Variants in HYDIN observed in about 807,000 individuals in gnomAD.
The protein encoded by HYDIN is HYDIN axonemal central pair apparatus protein.
In HYDIN, 132 loss-of-function variants were observed where a neutral mutation model predicts 403.9. The observed-to-expected ratio is 0.33, with a 90% CI of 0.28 to 0.38. The LOEUF (loss-of-function observed/expected upper bound fraction) is 0.38. HYDIN is among the 10% of genes least tolerant of loss of function. The probability of loss-of-function intolerance (pLI) is 1.00; values close to 1 mark genes in which losing one functional copy is unlikely to be tolerated. For missense variants in HYDIN, 2,827 were observed against 5,009.5 expected (o/e 0.56, Z 13.15); for synonymous variants, 1,202 against 1,891.7 (o/e 0.64, Z 9.46).
intron 1 of HYDIN, among the ~76,000 whole-genome samples, chr16:71,218,768 G>A (rs1159881337): frequency 6.6e-6 from 1 of 152,060 alleles, no homozygotes; most frequent in Non-Finnish European, 1.5e-5. Flanking sequence ...TCCTGTTATT[G>A]CTTTTTATTA....
intron 25 of HYDIN, 29 bp downstream of exon 25, chr16:70,991,289 C>T: frequency 6.2e-7 from 1 of 1,613,508 alleles, no homozygotes; most frequent in South Asian, 1.1e-5. Flanking sequence ...CTTGACCTGC[C>T]TACCCTCCCC....
intron 60 of HYDIN, 124 bp from the exon 61 acceptor site, chr16:70,879,880 C>T: frequency 2.0e-6 from 1 of 493,000 alleles, no homozygotes; most frequent in Non-Finnish European, 3.4e-6. Flanking sequence ...CCACTGCCTG[C>T]AGGGTGAGGG....
chr16:70,833,904 T>C lies in HYDIN; in HGVS notation c.13662A>G (p.Thr4554=). 1 of 1,613,078 alleles carries C rather than the reference T, an allele frequency of 6.2e-7. No homozygotes were observed. Among genetic ancestry groups the C allele is most frequent in the Non-Finnish European group, 8.5e-7 (1 of 1,179,736 alleles). ...TCCCTTACCTTGCACCCACATCGCC[T>C]GTGTTCATCATGAGGATGCGACGTG... is the stretch of plus-strand genomic sequence containing the variant. The part of the protein sequence containing the change: ...QATRRILMMN[T]GDVGARFKWD... The change falls in exon 79 of 86, where the codon ACA becomes ACG. Residue 4554 remains threonine (T), a synonymous_variant. Transcript: ENST00000393567.
chr16:70,979,910 C>A (rs2144014686), intron 29 of HYDIN, among the ~76,000 whole-genome samples: 1 of 151,712 alleles, frequency 6.6e-6, no homozygotes, highest in East Asian at 1.9e-4. Flanking sequence ...GGTGACAGAG[C>A]AAGACTCTGT....
At chr16:71,101,717 T>G (rs1053430284) in intron 10 of HYDIN, among the ~76,000 whole-genome samples, 1 of 152,114 alleles carries the variant, frequency 6.6e-6, no homozygotes, top group Non-Finnish European at 1.5e-5. Context: ...GGTTATGGAG[T>G]AAGGTTATAG....
At chr16:71,219,098 A>T (rs2089049919) in intron 1 of HYDIN, among the ~76,000 whole-genome samples, 1 of 152,184 alleles carries the variant, frequency 6.6e-6, no homozygotes, top group Non-Finnish European at 1.5e-5. Flanking sequence ...CCACTGCTGC[A>T]AATTTGGGTG....
chr16:71,048,249 A>G (rs2081516170), intron 18 of HYDIN, among the ~76,000 whole-genome samples: 2 of 150,090 alleles, frequency 1.3e-5, no homozygotes, highest in African/African-American at 2.4e-5. Context: ...CTGTTGATGG[A>G]CACTTAGGTT....
chr16:70,866,439 G>C (rs1192315982), intron 66 of HYDIN, 110 bp from the exon 67 acceptor site: 60 of 976,012 alleles, frequency 6.1e-5, no homozygotes, highest in South Asian at 1.7e-4. Flanking sequence ...ATAAAATTTA[G>C]GTACACTATG....
At chr16:71,178,197 A>G (rs976538515) in intron 4 of HYDIN, among the ~76,000 whole-genome samples, 50 of 152,246 alleles carry the variant, frequency 3.3e-4, no homozygotes, top group East Asian at 1.9e-4. Context: ...AAGTGGGTGG[A>G]TCACCTGAGT....
chr16:71,051,507 G>A lies in HYDIN; in HGVS notation c.2529+8997C>T, dbSNP rs1369701157. 2.6e-5 allele frequency among the ~76,000 whole-genome samples: 4 copies of A among 151,960 alleles called. No homozygotes were observed. The South Asian group carries it at 6.2e-4, about 24-fold the overall frequency. ...TAAAAATACAAAATATTAGCCGGACGTGGTGGCGGGCGCCTGTAGTCCCAG... is the reference window on the plus strand; with the variant it reads ...TAAAAATACAAAATATTAGCCGGACATGGTGGCGGGCGCCTGTAGTCCCAG... On this transcript the variant is annotated intron_variant, in intron 18 of 85. Transcript: ENST00000393567.
intron 23 of HYDIN, among the ~76,000 whole-genome samples, chr16:71,005,418 C>G (rs1339277226): frequency 6.6e-6 from 1 of 151,984 alleles, no homozygotes; most frequent in African/African-American, 2.4e-5. Context: ...TCTCCTTTTG[C>G]TATACGATCA....
At chr16:71,198,451 C>T (rs1317793013) in intron 1 of HYDIN, among the ~76,000 whole-genome samples, 1 of 152,120 alleles carries the variant, frequency 6.6e-6, no homozygotes, top group East Asian at 1.9e-4. Flanking sequence ...CTGTCCTCCC[C>T]CATCTCTTGC....
At chr16:71,026,855 A>G (rs565407208) in intron 20 of HYDIN, among the ~76,000 whole-genome samples, 4 of 152,082 alleles carry the variant, frequency 2.6e-5, no homozygotes, top group Non-Finnish European at 4.4e-5. Flanking sequence ...TAATGTGGGG[A>G]AAAGTCAGTA....
At chr16:71,173,717 C>T (rs1294573061) in intron 5 of HYDIN, among the ~76,000 whole-genome samples, 1 of 152,084 alleles carries the variant, frequency 6.6e-6, no homozygotes, top group Non-Finnish European at 1.5e-5. Flanking sequence ...TATGTATATA[C>T]TGAAAAGCAC....
At chr16:71,193,509 C>A (rs1441200318) in intron 1 of HYDIN, among the ~76,000 whole-genome samples, 2 of 152,080 alleles carry the variant, frequency 1.3e-5, no homozygotes, top group Non-Finnish European at 2.9e-5. Flanking sequence ...TAGATTTGCA[C>A]CATTGAATTC....
chr16:70,996,043 G>A (rs1228992827), intron 23 of HYDIN, among the ~76,000 whole-genome samples: 3 of 150,324 alleles, frequency 2.0e-5, no homozygotes, highest in African/African-American at 7.3e-5. Flanking sequence ...CTTATAGGAA[G>A]GAGTGACTGA....
rs749501341 is a variant in HYDIN, at chr16:70,981,434, T to A, written c.4467A>T (p.Gly1489=). Residue 1489 remains glycine, a synonymous_variant, in exon 29 of 86, where the codon GGA becomes GGT. Coordinates refer to ENST00000393567, the MANE Select transcript of HYDIN (RefSeq NM_001270974.2). ...GATCGAGGCAGATTTGGGGAAAGAT[T>A]CCCTCTCCGCTCAGAGTGATATTTT... is the stretch of plus-strand genomic sequence containing the variant. ...DPENITLSGE[G]IFPQICLDLP... The A allele has an allele frequency of 1.1e-5, 18 of 1,613,584 alleles. No individual in the cohort carries two copies. In the South Asian group the frequency reaches 2.0e-4, roughly 18 times the overall value.
chr16:71,175,970 A>G (rs1329822623), intron 4 of HYDIN: 3 of 545,172 alleles, frequency 5.5e-6, no homozygotes, highest in Non-Finnish European at 9.8e-6. Flanking sequence ...AGTTATTTTT[A>G]TTATTATTAC....
chr16:70,948,366 C>G (rs916947414), intron 41 of HYDIN, among the ~76,000 whole-genome samples: 2 of 152,022 alleles, frequency 1.3e-5, no homozygotes, highest in Non-Finnish European at 2.9e-5. Flanking sequence ...AGAAAAAAAC[C>G]TAGGCATTAC....
Sources: allele counts gnomAD v4.1 joint callset (sites outside exome capture counted in the v4.1 genomes callset), GRCh38; gene constraint gnomAD v4.1.1; transcripts MANE v1.5; gene names NCBI Gene and HGNC (gene_info 2026-07-23, HGNC 2026-07-21).